Variants in PGBD5 observed in about 807,000 individuals in gnomAD.
The protein encoded by PGBD5 is piggyBac transposable element-derived protein 5.
A neutral mutation model predicts 47.9 loss-of-function variants in PGBD5; 14 were observed. The observed-to-expected ratio is 0.29, with a 90% CI of 0.19 to 0.46. The LOEUF is 0.46. Among genes scored for constraint, PGBD5 ranks in the 20% least tolerant of loss-of-function variants. PGBD5 has a pLI of 1.00. For missense variants in PGBD5, 635 were observed against 716.0 expected, an observed-to-expected ratio of 0.89 and a Z score of 1.29; for synonymous variants, 316 against 306.3, an observed-to-expected ratio of 1.03 and a Z score of -0.33.
chr1:230,360,783 TAGTC>T, intron 1 of PGBD5, among the ~76,000 whole-genome samples: 1 of 152,314 alleles, frequency 6.6e-6, no homozygotes, highest in East Asian at 1.9e-4. Context: ...CTAATACAGT[TAGTC>T]CTTATCAACA....
At chr1:230,373,765 C>T (rs1477759301) in intron 1 of PGBD5, among the ~76,000 whole-genome samples, 3 of 152,194 alleles carry the variant, frequency 2.0e-5, no homozygotes, top group African/African-American at 4.8e-5. Context: ...TCAATCATAG[C>T]TCGCTACAGC....
intron 1 of PGBD5, among the ~76,000 whole-genome samples, chr1:230,364,891 G>A (rs1370497160): frequency 5.3e-5 from 8 of 152,174 alleles, no homozygotes; most frequent in Admixed American, 5.2e-4. Context: ...GCAGTGGTGT[G>A]TACCTGTAGT....
chr1:230,393,105 A>T (rs1656829608), intron 1 of PGBD5, among the ~76,000 whole-genome samples: 1 of 145,286 alleles, frequency 6.9e-6, no homozygotes, highest in Non-Finnish European at 1.5e-5. Flanking sequence ...GAAAGGGGAA[A>T]AAGAAGGGGA....
At chr1:230,348,483 A>G (rs1332464914) in intron 3 of PGBD5, among the ~76,000 whole-genome samples, 2 of 152,232 alleles carry the variant, frequency 1.3e-5, no homozygotes, top group Non-Finnish European at 2.9e-5. Flanking sequence ...AAATGGGATC[A>G]ACACGGCCTG....
intron 1 of PGBD5, among the ~76,000 whole-genome samples, chr1:230,375,760 C>T (rs1452287331): frequency 1.3e-5 from 2 of 149,226 alleles, no homozygotes; most frequent in Non-Finnish European, 1.5e-5. Context: ...TTTCTTCCAT[C>T]CCCTAGACAC....
rs988397917 is a variant in PGBD5, at chr1:230,315,025, C to G, written c.*8400G>C. The stretch of plus-strand genomic sequence containing the variant: ...GGTGACAGCCTCCCCCTGAGAGAGC[C>G]AGTTGTGTTCATGATTTTGGTTCCT... On this transcript the variant is annotated 3_prime_UTR_variant, in exon 7 of 7. Transcript: ENST00000391860. 4.0e-5 allele frequency: 6 copies of G among 151,882 alleles called. No homozygotes were observed. Among genetic ancestry groups the G allele is most frequent in the Admixed American group, 2.6e-4 (4 of 15,256 alleles). The allele number at this position is 151,882 out of a possible 1,614,324, so 9.4% of individuals were successfully genotyped here.
intron 1 of PGBD5, among the ~76,000 whole-genome samples, chr1:230,400,363 C>G (rs569844112): frequency 6.6e-6 from 1 of 151,898 alleles, no homozygotes; most frequent in Admixed American, 6.6e-5. Flanking sequence ...GCCCCCTAAA[C>G]CTGCCTACTG....
At chr1:230,335,744 A>ACAC (rs1667305276) in intron 4 of PGBD5, among the ~76,000 whole-genome samples, 2 of 20,768 alleles carry the variant, frequency 9.6e-5, no homozygotes, top group African/African-American at 3.5e-4. Context: ...GACTTACACA[A>ACAC]AGACACACAC....
At chr1:230,381,901 C>T (rs1459113756) in intron 1 of PGBD5, among the ~76,000 whole-genome samples, 2 of 152,184 alleles carry the variant, frequency 1.3e-5, no homozygotes, top group Non-Finnish European at 1.5e-5. Flanking sequence ...TCCCATCCTA[C>T]ATCCACTCTC....
intron 1 of PGBD5, among the ~76,000 whole-genome samples, chr1:230,388,300 G>C (rs1172201632): frequency 6.6e-6 from 1 of 152,162 alleles, no homozygotes; most frequent in African/African-American, 2.4e-5. Flanking sequence ...TGGCCTCCTG[G>C]AAGCCAAGCA....
At chr1:230,355,015 T>C (rs1232573345) in intron 2 of PGBD5, among the ~76,000 whole-genome samples, 3 of 152,140 alleles carry the variant, frequency 2.0e-5, no homozygotes, top group South Asian at 4.1e-4. Flanking sequence ...CTTCCCCAGA[T>C]TGAGCCTCAT....
intron 2 of PGBD5, among the ~76,000 whole-genome samples, chr1:230,353,187 T>C (rs114326034): frequency 1.4e-3 from 216 of 152,268 alleles, no homozygotes; most frequent in African/African-American, 5.0e-3. Flanking sequence ...GAAAAACCAC[T>C]TGCTTCTCCT....
intron 1 of PGBD5, among the ~76,000 whole-genome samples, chr1:230,366,337 C>T (rs1388372588): frequency 2.7e-5 from 4 of 147,876 alleles, no homozygotes; most frequent in African/African-American, 9.9e-5. Context: ...GCAGATGGGG[C>T]TGGGGGGTGG....
intron 1 of PGBD5, among the ~76,000 whole-genome samples, chr1:230,396,662 A>G (rs990359988): frequency 3.4e-5 from 5 of 146,940 alleles, no homozygotes; most frequent in African/African-American, 1.3e-4. Context: ...TGAGGACGGC[A>G]CACATGGGGG....
At chr1:230,374,125 A>G (rs925161312) in intron 1 of PGBD5, among the ~76,000 whole-genome samples, 5 of 152,220 alleles carry the variant, frequency 3.3e-5, no homozygotes. Flanking sequence ...TTAAGAATAT[A>G]AAAAAACTTT....
chr1:230,352,747 A>C (rs1410355143), intron 2 of PGBD5, among the ~76,000 whole-genome samples: 1 of 152,156 alleles, frequency 6.6e-6, no homozygotes, highest in Non-Finnish European at 1.5e-5. Context: ...AGCTCATAAA[A>C]CATTCAAAGC....
chr1:230,332,785 C>G (rs890752035), intron 5 of PGBD5, 59 bp downstream of exon 5: 6 of 1,594,752 alleles, frequency 3.8e-6, no homozygotes, highest in Non-Finnish European at 4.3e-6. Flanking sequence ...GCGGTGGGCT[C>G]GGCCAAGCTC....
chr1:230,426,044 C>T lies in PGBD5; in HGVS notation c.-116G>A. The stretch of plus-strand genomic sequence containing the variant: ...CACCAGCGCAGCCCGCAGCACAGCG[C>T]CCGCCGCCCCGTGCCCGGCCGGCCC... On this transcript the variant is annotated 5_prime_UTR_variant, in exon 1 of 7. Coordinates refer to ENST00000391860, the MANE Select transcript of PGBD5 (RefSeq NM_001258311.2). 1 of 416,740 alleles carries T rather than the reference C, an allele frequency of 2.4e-6. No homozygotes were observed. The highest frequency in any genetic ancestry group is 3.2e-6 in the Non-Finnish European group (1 of 313,314). The allele number at this position is 416,740 out of a possible 1,614,324, so 25.8% of individuals were successfully genotyped here.
In PGBD5 at chr1:230,380,773, T is replaced by G. The variant is rs377585936; in HGVS notation, c.332-23452A>C. Among the ~76,000 whole-genome samples, 16 of 152,364 alleles carry G rather than the reference T, an allele frequency of 1.1e-4. No homozygotes were observed. In the East Asian group the frequency reaches 3.1e-3, roughly 29 times the overall value. ...ATCTCTGCTTTCAAGACCCTGTGTC[T>G]TGGGCTCAATCACAGCTTGTGCAGG... On this transcript the variant is annotated intron_variant, in intron 1 of 6. Coordinates refer to ENST00000391860, the MANE Select transcript of PGBD5 (RefSeq NM_001258311.2).
Sources: gnomAD v4.1 joint callset for allele counts (sites outside exome capture counted in the v4.1 genomes callset) on GRCh38, gnomAD v4.1.1 for gene constraint, MANE v1.5 for transcripts, NCBI Gene and HGNC (gene_info 2026-07-23, HGNC 2026-07-21) for gene names.